PRRC2A: variants seen among roughly 807,000 people sequenced by gnomAD.
PRRC2A encodes protein PRRC2A.
PRRC2A carries 59 observed loss-of-function variants against 224.6 expected under a neutral mutation model. That is an observed-to-expected ratio of 0.26 (90% CI 0.21 to 0.33). The LOEUF is 0.33. Among genes scored for constraint, PRRC2A ranks in the 10% least tolerant of loss-of-function variants. PRRC2A has a pLI of 1.00. For missense variants in PRRC2A, 3,095 were observed against 2,880.7 expected (o/e 1.07, Z -1.70); for synonymous variants, 1,194 against 1,109.5 (o/e 1.08, Z -1.51).
In PRRC2A at chr6:31,625,265, G is replaced by A; in HGVS notation, c.558G>A (p.Arg186=). The change falls in exon 6 of 31, where the codon AGG becomes AGA. Residue 186 remains arginine, a synonymous_variant. Coordinates refer to ENST00000376033, the MANE Select transcript of PRRC2A (RefSeq NM_004638.4). This position sits in a 1 kb window ranked among gnomAD's most constrained non-coding sequence, Gnocchi z 4.1. The part of the protein sequence containing the change: ...AGDQDKAAKE[R]ESAEQSSGPG... ...ACCAGGACAAGGCTGCCAAGGAAAG[G>A]GAGTCTGCCGAACAGTCGTCTGGGC... The A allele has an allele frequency of 6.2e-7, 1 of 1,613,300 alleles. No homozygotes were observed. Among genetic ancestry groups the A allele is most frequent in the Non-Finnish European group, 8.5e-7 (1 of 1,180,026 alleles).
chr6:31,630,650 C>A lies in PRRC2A; in HGVS notation c.2314C>A (p.His772Asn). Residue 772 changes from histidine (H) to asparagine (N), a missense_variant, in exon 15 of 31, where the codon CAT becomes AAT. By Grantham distance (68) the His-to-Asn change is moderately conservative. Coordinates refer to ENST00000376033, the MANE Select transcript of PRRC2A (RefSeq NM_004638.4). ...CTCAAGCTCAGAGCCATTTGACCGT[C>A]ATGCACCTGCTATGTTACGGGAACG... Reference protein sequence around the residue: ...GGSSSEPFDRHAPAMLRERGT... With the variant: ...GGSSSEPFDRNAPAMLRERGT... The A allele has an allele frequency of 6.2e-7, 1 of 1,614,140 alleles. No individual in the cohort carries two copies. The highest frequency in any genetic ancestry group is 8.5e-7 in the Non-Finnish European group (1 of 1,180,016).
chr6:31,632,809 A>C lies in PRRC2A; in HGVS notation c.4136A>C (p.Asp1379Ala). 1.9e-6 allele frequency: 3 copies of C among 1,613,116 alleles called. No homozygotes were observed. Among genetic ancestry groups the C allele is most frequent in the Non-Finnish European group, 2.5e-6 (3 of 1,180,012 alleles). Residue 1379 changes from aspartate (D) to alanine (A), a missense_variant, in exon 16 of 31, where the codon GAT becomes GCT. By Grantham distance (126) the Asp-to-Ala change is moderately radical. This residue lies in a region of PRRC2A where 2,001 missense variants were observed against 1,764.9 expected (regional missense o/e 1.13). Coordinates refer to ENST00000376033, the MANE Select transcript of PRRC2A (RefSeq NM_004638.4). ...SRGDLSQRAK[D>A]LSKRSFSSQR... ...GGAGATCTGAGCCAGAGAGCCAAGG[A>C]TTTGAGTAAACGGAGCTTCTCAAGT... is the stretch of plus-strand genomic sequence containing the variant.
chr6:31,635,868 T>C (rs1413481698), intron 24 of PRRC2A, 99 bp from the exon 25 acceptor site: 5 of 1,444,516 alleles, frequency 3.5e-6, no homozygotes, highest in East Asian at 4.7e-5. Context: ...CTTTGTCACA[T>C]CATTTTTCTC....
At chr6:31,628,308 G>A in intron 12 of PRRC2A, 69 bp downstream of exon 12, 8 of 1,512,150 alleles carry the variant, frequency 5.3e-6, no homozygotes, top group Non-Finnish European at 6.2e-6. Flanking sequence ...GGTGCAGGGT[G>A]GTAAGGCTGG....
chr6:31,627,729 A>AT lies in PRRC2A; in HGVS notation c.1291-34dup. On this transcript the variant is annotated intron_variant, in intron 11 of 30. Coordinates refer to ENST00000376033, the MANE Select transcript of PRRC2A (RefSeq NM_004638.4). This position sits in a 1 kb window ranked among gnomAD's most constrained non-coding sequence, Gnocchi z 5.6. Reference sequence around the variant, plus strand: ...GAGATGATAGAAAGCATAGTAACTGATTCCCCTGGCCCTGCTGGGTCTTGC... The same window carrying AT: ...GAGATGATAGAAAGCATAGTAACTGATTTCCCCTGGCCCTGCTGGGTCTTGC... 2.5e-6 allele frequency: 4 copies of AT among 1,602,090 alleles called. No homozygotes were observed. The highest frequency in any genetic ancestry group is 3.4e-6 in the Non-Finnish European group (4 of 1,173,414).
At chr6:31,637,011 G>GGT in intron 28 of PRRC2A, 31 bp from the exon 29 acceptor site, 7 of 1,596,304 alleles carry the variant, frequency 4.4e-6, no homozygotes, top group Non-Finnish European at 6.0e-6. Flanking sequence ...TGTATTTCAA[G>GGT]GTAGGCAGCT....
rs778708687 is a variant in PRRC2A at position 31,627,232 on chromosome 6, G to C, written c.1290+34G>C. The stretch of plus-strand genomic sequence containing the variant: ...CTCCAATAAGGGATTGAGAGGGTCA[G>C]CTGTGGGAAATTGGTGTCAGCTGAG... On this transcript the variant is annotated intron_variant, in intron 11 of 30. Transcript: ENST00000376033. This position sits in a 1 kb window ranked among gnomAD's most constrained non-coding sequence, Gnocchi z 5.6. 2 of 1,454,424 alleles carry C rather than the reference G, an allele frequency of 1.4e-6. No homozygotes were observed. Among genetic ancestry groups the C allele is most frequent in the East Asian group, 2.3e-5 (1 of 43,346 alleles). 90.1% of individuals were successfully genotyped at this position (1,454,424 alleles called of 1,614,324 possible). A position where few individuals can be genotyped will look rare whatever the true frequency, so the allele number is the denominator to read the frequency against.
At chr6:31,624,626 C>G (rs1775688356) in intron 5 of PRRC2A, 104 bp downstream of exon 5, 4 of 1,253,950 alleles carry the variant, frequency 3.2e-6, no homozygotes, top group Admixed American at 1.9e-5. Flanking sequence ...TTGGCTAAAT[C>G]AAGGACCACC....
chr6:31,630,888 AG>A, intron 15 of PRRC2A, 87 bp downstream of exon 15: 7 of 1,491,536 alleles, frequency 4.7e-6, no homozygotes, highest in Non-Finnish European at 6.4e-6. Flanking sequence ...TGGTAGGGAT[AG>A]GGATGAACGG....
At position 31,627,864 on chromosome 6, in the gene PRRC2A, G is replaced by C; in HGVS notation, c.1390G>C (p.Val464Leu). The change falls in exon 12 of 31, where the codon GTG (valine) becomes CTG (leucine). Residue 464 changes from valine to leucine, a missense_variant. Physicochemically the swap from Val to Leu is conservative, Grantham distance 32. This residue lies in a region of PRRC2A where 2,001 missense variants were observed against 1,764.9 expected (regional missense o/e 1.13). Transcript: ENST00000376033. This position sits in a 1 kb window ranked among gnomAD's most constrained non-coding sequence, Gnocchi z 5.6. ...GTCGTCATCTGAGATTTCCCTGGCAGTGGAGCGGGCCCGGCGACGGCGAGA... is the reference window on the plus strand; with the variant it reads ...GTCGTCATCTGAGATTTCCCTGGCACTGGAGCGGGCCCGGCGACGGCGAGA... ...KQSSSEISLA[V>L]ERARRRREEE... The C allele has an allele frequency of 6.2e-7, 1 of 1,613,126 alleles. No homozygotes were observed. Among genetic ancestry groups the C allele is most frequent in the Non-Finnish European group, 8.5e-7 (1 of 1,180,048 alleles).
At position 31,635,058 on chromosome 6, in the gene PRRC2A, G is replaced by A. The variant is rs578083569; in HGVS notation, c.5161-74G>A. The A allele has an allele frequency of 2.5e-5, 40 of 1,599,816 alleles. No homozygotes were observed. The highest frequency in any genetic ancestry group is 1.2e-4 in the Admixed American group (7 of 59,126). On this transcript the variant is annotated intron_variant, in intron 21 of 30. Transcript: ENST00000376033. ...ACCTTTTTCTGCTTTTTCTCTCTGC[G>A]TGTGTGTTCTGGGCATTCCAATTTG...
In PRRC2A at chr6:31,627,666, T is replaced by G; in HGVS notation, c.1291-99T>G. The G allele has an allele frequency of 6.9e-7, 1 of 1,456,028 alleles. No homozygotes were observed. The highest frequency in any genetic ancestry group is 9.2e-7 in the Non-Finnish European group (1 of 1,086,920). The allele number at this position is 1,456,028 out of a possible 1,614,324, so 90.2% of individuals were successfully genotyped here. ...AGATCAACCCCAAAGCCTGGGTCGT[T>G]GCATCCTGCAAGTAGCGACAGTTGA... On this transcript the variant is annotated intron_variant, in intron 11 of 30. Coordinates refer to ENST00000376033, the MANE Select transcript of PRRC2A (RefSeq NM_004638.4). The surrounding 1 kb of genome is among the most constrained non-coding windows in gnomAD (Gnocchi z 5.6).
rs1249192697 is a variant in PRRC2A, at chr6:31,624,372, ACTGGAGGG to A, written c.390+13_390+20del. On this transcript the variant is annotated intron_variant, in intron 4 of 30. Transcript: ENST00000376033. ...CAGCAGCCCCCGAGGTACCTGGAGA[ACTGGAGGG>A]GTGGGGAGGAAGAATGGTTCATAGC... is the stretch of plus-strand genomic sequence containing the variant. The A allele has an allele frequency of 6.2e-7, 1 of 1,612,542 alleles. No homozygotes were observed. The highest frequency in any genetic ancestry group is 1.1e-5 in the South Asian group (1 of 91,052).
Position 31,636,362 on chromosome 6 carries a change from C to T in PRRC2A, c.5778C>T (p.Ser1926=), listed in dbSNP as rs1777347380. Residue 1926 remains serine, a synonymous_variant, in exon 26 of 31, where the codon TCC becomes TCT. Coordinates refer to ENST00000376033, the MANE Select transcript of PRRC2A (RefSeq NM_004638.4). This position sits in a 1 kb window ranked among gnomAD's most constrained non-coding sequence, Gnocchi z 4.3. ...GAGGAGTTCTCTACCCTCCACCTTC[C>T]TTCCTCTACTCTCCGGCTTTCTGCC... ...PAGGVLYPPP[S]FLYSPAFCPS... is the part of the protein sequence containing the mutation. The T allele has an allele frequency of 6.2e-7, 1 of 1,612,986 alleles. No homozygotes were observed. Among genetic ancestry groups the T allele is most frequent in the Non-Finnish European group, 8.5e-7 (1 of 1,179,994 alleles).
At chr6:31,633,729 C>T (rs1776963299) in intron 17 of PRRC2A, 82 bp downstream of exon 17, 24 of 1,535,732 alleles carry the variant, frequency 1.6e-5, no homozygotes, top group Non-Finnish European at 2.0e-5. Context: ...GAGAACCTGG[C>T]CTAGGGACCC....
At position 31,627,727 on chromosome 6, in the gene PRRC2A, T is replaced by G; in HGVS notation, c.1291-38T>G. ...AAGAGATGATAGAAAGCATAGTAACTGATTCCCCTGGCCCTGCTGGGTCTT... is the reference window on the plus strand; with the variant it reads ...AAGAGATGATAGAAAGCATAGTAACGGATTCCCCTGGCCCTGCTGGGTCTT... On this transcript the variant is annotated intron_variant, in intron 11 of 30. Coordinates refer to ENST00000376033, the MANE Select transcript of PRRC2A (RefSeq NM_004638.4). The surrounding 1 kb of genome is among the most constrained non-coding windows in gnomAD (Gnocchi z 5.6). 6.2e-7 allele frequency: 1 copy of G among 1,601,470 alleles called. No individual in the cohort carries two copies. The highest frequency in any genetic ancestry group is 2.2e-5 in the East Asian group (1 of 44,654).
chr6:31,621,183 G>T (rs1322940378), intron 1 of PRRC2A, among the ~76,000 whole-genome samples: 4 of 137,414 alleles, frequency 2.9e-5, no homozygotes, highest in Non-Finnish European at 6.2e-5. Flanking sequence ...CCCCATTTGT[G>T]GGCCCCCTCC....
At chr6:31,634,723 C>A in intron 20 of PRRC2A, 30 bp from the exon 21 acceptor site, 1 of 1,605,262 alleles carries the variant, frequency 6.2e-7, no homozygotes. Flanking sequence ...TCTACCCTGA[C>A]TTAACTAGCT....
In PRRC2A at chr6:31,632,734, C is replaced by G. The variant is rs114023787; in HGVS notation, c.4061C>G (p.Pro1354Arg). Reference sequence around the variant, plus strand: ...CTGACACCCAAGGCTGTGGGAACTCCTGGGGGAGGTGGAGGTGGAGCCGTA... The same window carrying G: ...CTGACACCCAAGGCTGTGGGAACTCGTGGGGGAGGTGGAGGTGGAGCCGTA... The part of the protein sequence containing the change: ...VLLTPKAVGT[P>R]GGGGGGAVPG... The change falls in exon 16 of 31, where the codon CCT (proline) becomes CGT (arginine). Residue 1354 changes from proline to arginine, a missense_variant. Physicochemically the swap from Pro to Arg is moderately radical, Grantham distance 103. Around this residue, in one of 8 missense-constraint regions of PRRC2A, gnomAD observed 2,001 missense variants for 1,764.9 expected, o/e 1.13. Coordinates refer to ENST00000376033, the MANE Select transcript of PRRC2A (RefSeq NM_004638.4). 1.2e-6 allele frequency: 2 copies of G among 1,613,098 alleles called. No homozygotes were observed. Among genetic ancestry groups the G allele is most frequent in the African/African-American group, 2.7e-5 (2 of 75,050 alleles).
Sources: allele counts gnomAD v4.1 joint callset (sites outside exome capture counted in the v4.1 genomes callset), GRCh38; gene constraint gnomAD v4.1.1; regional missense constraint gnomAD v4.1.1; non-coding constraint Gnocchi (gnomAD v3.1); transcripts MANE v1.5; gene names NCBI Gene and HGNC (gene_info 2026-07-23, HGNC 2026-07-21).